AKAP9: variants seen among roughly 807,000 people sequenced by gnomAD.
The protein encoded by AKAP9 is A-kinase anchoring protein 9.
A neutral mutation model predicts 488.5 loss-of-function variants in AKAP9; 311 were observed. The observed-to-expected ratio is 0.64, with a 90% CI of 0.58 to 0.70. The LOEUF is 0.70. AKAP9 is among the 30% of genes least tolerant of loss of function. The probability of loss-of-function intolerance (pLI) is 0.00; values close to 1 mark genes in which losing one functional copy is unlikely to be tolerated. For synonymous variants in AKAP9, 1,462 were observed against 1,483.5 expected (o/e 0.99, Z 0.33); for missense variants, 4,215 against 4,374.5 (o/e 0.96, Z 1.03).
chr7:92,045,901 T>C (rs1402829913), intron 21 of AKAP9, among the ~76,000 whole-genome samples: 2 of 148,772 alleles, frequency 1.3e-5, no homozygotes, highest in East Asian at 4.0e-4. Context: ...TGGCGCAGTC[T>C]GGGCTCACTG....
intron 1 of AKAP9, among the ~76,000 whole-genome samples, chr7:91,954,834 A>G (rs947768078): frequency 6.6e-6 from 1 of 152,156 alleles, no homozygotes; most frequent in African/African-American, 2.4e-5. Flanking sequence ...TAGCCACTTT[A>G]CTTGATTCTA....
chr7:92,097,699 A>C lies in AKAP9; in HGVS notation c.10512A>C (p.Gly3504=). The stretch of plus-strand genomic sequence containing the variant: ...CTAAATTGATTGAAATGAATGGAGG[A>C]GGAACCGGCTGTAATCATGAATTAG... ...NYAKLIEMNG[G]GTGCNHELEM... is the part of the protein sequence containing the mutation. Residue 3504 remains glycine, a synonymous_variant, in exon 42 of 50, where the codon GGA becomes GGC. Transcript: ENST00000356239. The C allele has an allele frequency of 6.2e-7, 1 of 1,614,206 alleles. No homozygotes were observed. The highest frequency in any genetic ancestry group is 1.1e-5 in the South Asian group (1 of 91,088).
chr7:91,956,399 CAAAAAAAA>C lies in AKAP9; in HGVS notation c.48+15266_48+15273del, dbSNP rs554292233. 1.4e-3 allele frequency among the ~76,000 whole-genome samples: 152 copies of C among 108,140 alleles called. 1 individual carries two copies. The highest frequency in any genetic ancestry group is 4.2e-3 in the African/African-American group (135 of 32,378). The allele number at this position is 108,140 out of a possible 152,430, so 70.9% of individuals were successfully genotyped here. A position where few individuals can be genotyped will look rare whatever the true frequency, so the allele number is the denominator to read the frequency against. On this transcript the variant is annotated intron_variant, in intron 1 of 49. Transcript: ENST00000356239. ...TGGGCAACAGAGTGAGACTCTGTCT[CAAAAAAAA>C]AAAAAAAAAAAAAGTAGAGATGGGA...
At chr7:91,991,365 A>C (rs561959228) in intron 3 of AKAP9, among the ~76,000 whole-genome samples, 157 of 152,204 alleles carry the variant, frequency 1.0e-3, no homozygotes, top group African/African-American at 3.7e-3. Flanking sequence ...TGTGGTGGCA[A>C]TTAATAGGTG....
intron 1 of AKAP9, among the ~76,000 whole-genome samples, chr7:91,950,915 T>A (rs560653189): frequency 2.0e-5 from 3 of 152,326 alleles, no homozygotes; most frequent in Non-Finnish European, 4.4e-5. Flanking sequence ...GAAATTCTTT[T>A]GGTGTGAAAT....
intron 28 of AKAP9, among the ~76,000 whole-genome samples, chr7:92,075,300 A>C (rs893848034): frequency 6.6e-6 from 1 of 152,226 alleles, no homozygotes; most frequent in African/African-American, 2.4e-5. Context: ...ATAACTATTT[A>C]TGTGTTGATT....
chr7:92,037,356 A>G (rs1345864324), intron 16 of AKAP9, among the ~76,000 whole-genome samples: 2 of 152,216 alleles, frequency 1.3e-5, no homozygotes, highest in Non-Finnish European at 2.9e-5. Flanking sequence ...CAGATAGGTG[A>G]ATCACATTCA....
chr7:92,043,642 C>T (rs1314742640), intron 20 of AKAP9, among the ~76,000 whole-genome samples: 2 of 151,980 alleles, frequency 1.3e-5, no homozygotes, highest in Non-Finnish European at 2.9e-5. Flanking sequence ...AAATAAAACC[C>T]TTGGCTTCCT....
At position 92,066,405 on chromosome 7, in the gene AKAP9, CATT is replaced by C. The variant is rs772970909; in HGVS notation, c.6211-18_6211-16del. On this transcript the variant is annotated intron_variant, in intron 25 of 49. Transcript: ENST00000356239. ...TAAATACTGTTTCTTCAGCTACTAT[CATT>C]ATTGTCATTAAACTTTAGGAGCAAG... 5.0e-6 allele frequency: 8 copies of C among 1,611,512 alleles called. No individual in the cohort carries two copies. Among genetic ancestry groups the C allele is most frequent in the African/African-American group, 1.3e-5 (1 of 74,806 alleles).
chr7:91,992,661 CAAA>C (rs770870521), intron 4 of AKAP9, among the ~76,000 whole-genome samples: 2 of 46,628 alleles, frequency 4.3e-5, no homozygotes, highest in Non-Finnish European at 8.9e-5. Flanking sequence ...AAGACTCTGT[CAAA>C]AAAAAAAAAA....
intron 1 of AKAP9, among the ~76,000 whole-genome samples, chr7:91,967,303 T>C (rs2130537606): frequency 6.6e-6 from 1 of 152,308 alleles, no homozygotes; most frequent in South Asian, 2.1e-4. Flanking sequence ...TTGGTTATCT[T>C]TTATTTTTTT....
Position 92,093,328 on chromosome 7 carries a change from TTCCTTATTAAAAACATGTAACAAGGAG to T in AKAP9, c.9578+14_9578+40del. On this transcript the variant is annotated intron_variant, in intron 39 of 49. Transcript: ENST00000356239. ...TTGGAGGCTTTCAGGTGTGCCAGGC[TTCCTTATTAAAAACATGTAACAAGGAG>T]TGGGAGTAATTTTGTCATAAACACT... 2 of 1,612,436 alleles carry T rather than the reference TTCCTTATTAAAAACATGTAACAAGGAG, an allele frequency of 1.2e-6. No individual in the cohort carries two copies. Among genetic ancestry groups the T allele is most frequent in the Non-Finnish European group, 1.7e-6 (2 of 1,178,892 alleles).
At chr7:92,075,586 A>G (rs1812451406) in intron 28 of AKAP9, among the ~76,000 whole-genome samples, 1 of 152,236 alleles carries the variant, frequency 6.6e-6, no homozygotes, top group Non-Finnish European at 1.5e-5. Flanking sequence ...CAGGTTCAAA[A>G]GCTGGCTTCT....
At chr7:92,035,584 C>T (rs140593129) in intron 16 of AKAP9, among the ~76,000 whole-genome samples, 3 of 152,172 alleles carry the variant, frequency 2.0e-5, no homozygotes, top group Admixed American at 6.5e-5. Context: ...GTTTTGTATG[C>T]TCTGGATGTC....
At chr7:91,952,633 T>C (rs1164916844) in intron 1 of AKAP9, among the ~76,000 whole-genome samples, 1 of 152,128 alleles carries the variant, frequency 6.6e-6, no homozygotes, top group Non-Finnish European at 1.5e-5. Flanking sequence ...ATCGTTTGAC[T>C]TGTTTTGGGG....
At chr7:92,060,855 C>T (rs192109069) in intron 22 of AKAP9, among the ~76,000 whole-genome samples, 5 of 152,094 alleles carry the variant, frequency 3.3e-5, no homozygotes, top group East Asian at 1.9e-4. Flanking sequence ...AGTCACAATC[C>T]GTAAATACTA....
intron 28 of AKAP9, among the ~76,000 whole-genome samples, chr7:92,072,942 G>A (rs1811956208): frequency 1.3e-5 from 2 of 152,132 alleles, no homozygotes; most frequent in South Asian, 4.1e-4. Flanking sequence ...CTTGATCATG[G>A]TCACACCTTA....
intron 20 of AKAP9, chr7:92,043,446 A>T: frequency 1.6e-6 from 1 of 622,194 alleles, no homozygotes; most frequent in African/African-American, 2.0e-5. Context: ...ATTTATCTCT[A>T]ATTGGTAAAT....
intron 2 of AKAP9, among the ~76,000 whole-genome samples, chr7:91,975,001 C>A (rs1015853738): frequency 6.6e-6 from 1 of 151,824 alleles, no homozygotes; most frequent in African/African-American, 2.4e-5. Context: ...CAGGTGCATG[C>A]TACCACACCT....
Sources: gnomAD v4.1 joint callset for allele counts (sites outside exome capture counted in the v4.1 genomes callset) on GRCh38, gnomAD v4.1.1 for gene constraint, MANE v1.5 for transcripts, NCBI Gene and HGNC (gene_info 2026-07-23, HGNC 2026-07-21) for gene names.